Variants in NEK1 observed in about 807,000 individuals in gnomAD.
NEK1 encodes NIMA related kinase 1.
In NEK1, 137 loss-of-function variants were observed where a neutral mutation model predicts 182.1. The ratio of observed to expected loss-of-function variants is 0.75; its 90% CI spans 0.65 to 0.87. NEK1 has a LOEUF of 0.87. NEK1 is among the 40% of genes least tolerant of loss of function. The pLI is 0.00. For synonymous variants in NEK1, 513 were observed against 492.2 expected, an observed-to-expected ratio of 1.04 and a Z score of -0.56; for missense variants, 1,391 against 1,494.4, an observed-to-expected ratio of 0.93 and a Z score of 1.14.
At position 169,479,490 on chromosome 4, in the gene NEK1, CAAAGGTGGAG is replaced by C; in HGVS notation, c.2042_2051del (p.Ser681TrpfsTer15). The stretch of plus-strand genomic sequence containing the variant: ...GAGAGCCACCTGTTTCATGCTGTCC[CAAAGGTGGAG>C]AAACATCAGAACTCTTAACTCCTTT... On this transcript the variant is annotated frameshift_variant, in exon 24 of 36. Transcript: ENST00000507142. LOFTEE classifies it high-confidence loss of function. 1 of 1,611,146 alleles carries C rather than the reference CAAAGGTGGAG, an allele frequency of 6.2e-7. No individual in the cohort carries two copies. The highest frequency in any genetic ancestry group is 2.2e-5 in the East Asian group (1 of 44,826).
chr4:169,396,572 A>C (rs1730763053), intron 35 of NEK1, among the ~76,000 whole-genome samples: 1 of 151,946 alleles, frequency 6.6e-6, no homozygotes, highest in Admixed American at 6.6e-5. Context: ...CTGACTCTGG[A>C]TAGTATCTAG....
chr4:169,525,183 C>T (rs1385007150), intron 19 of NEK1, among the ~76,000 whole-genome samples: 1 of 152,114 alleles, frequency 6.6e-6, no homozygotes, highest in East Asian at 1.9e-4. Flanking sequence ...GGCTGGAGTG[C>T]AGTGGTGCGA....
chr4:169,495,010 G>A (rs1444655347), intron 23 of NEK1, among the ~76,000 whole-genome samples: 1 of 152,048 alleles, frequency 6.6e-6, no homozygotes, highest in African/African-American at 2.4e-5. Context: ...AGATGAGTAG[G>A]TTGCAAAAAT....
intron 12 of NEK1, among the ~76,000 whole-genome samples, chr4:169,568,665 C>T (rs562384191): frequency 2.2e-4 from 34 of 152,176 alleles, no homozygotes; most frequent in East Asian, 5.8e-4. Flanking sequence ...GCCCGCTGGA[C>T]GTGGTGGCTC....
chr4:169,522,640 T>C (rs1026100842), intron 19 of NEK1, among the ~76,000 whole-genome samples: 10 of 152,220 alleles, frequency 6.6e-5, no homozygotes, highest in Non-Finnish European at 1.5e-4. Flanking sequence ...TGCTGCTGTC[T>C]TGTGAGAATG....
At chr4:169,536,870 T>C (rs1375413600) in intron 19 of NEK1, among the ~76,000 whole-genome samples, 1 of 152,120 alleles carries the variant, frequency 6.6e-6, no homozygotes, top group African/African-American at 2.4e-5. Context: ...AAGATACAAA[T>C]ATAGATTAAT....
chr4:169,415,063 T>C (rs1455485807), intron 31 of NEK1, among the ~76,000 whole-genome samples: 2 of 152,240 alleles, frequency 1.3e-5, no homozygotes, highest in African/African-American at 4.8e-5. Flanking sequence ...GGCATGCCTT[T>C]GCAGTGCCAT....
intron 23 of NEK1, among the ~76,000 whole-genome samples, chr4:169,490,692 G>A (rs1056515323): frequency 2.0e-5 from 3 of 151,916 alleles, no homozygotes; most frequent in African/African-American, 7.3e-5. Flanking sequence ...GTTAAAAACT[G>A]AGAGCTTCAA....
At chr4:169,499,628 C>A (rs189031657) in intron 23 of NEK1, among the ~76,000 whole-genome samples, 1 of 152,218 alleles carries the variant, frequency 6.6e-6, no homozygotes, top group South Asian at 2.1e-4. Flanking sequence ...ACAGTCAGGA[C>A]CCTCAGCTGC....
At chr4:169,455,030 A>G (rs1019780296) in intron 27 of NEK1, among the ~76,000 whole-genome samples, 1 of 152,190 alleles carries the variant, frequency 6.6e-6, no homozygotes, top group Admixed American at 6.5e-5. Context: ...CTTTGCAGGG[A>G]CATGGATGAA....
At chr4:169,505,482 C>T (rs751712348) in intron 23 of NEK1, among the ~76,000 whole-genome samples, 18 of 152,176 alleles carry the variant, frequency 1.2e-4, no homozygotes, top group Non-Finnish European at 2.5e-4. Context: ...ATATAATACA[C>T]ATAACATAAA....
At chr4:169,400,822 A>G (rs1731544839) in intron 33 of NEK1, among the ~76,000 whole-genome samples, 171 bp from the exon 34 acceptor site, 1 of 152,184 alleles carries the variant, frequency 6.6e-6, no homozygotes. Flanking sequence ...GGCAAAAAAA[A>G]TGTATAAATC....
intron 23 of NEK1, among the ~76,000 whole-genome samples, chr4:169,488,978 A>C (rs1749555361): frequency 6.6e-6 from 1 of 152,362 alleles, no homozygotes; most frequent in South Asian, 2.1e-4. Flanking sequence ...GAGGAAATAA[A>C]GGCCACAAAC....
At chr4:169,444,817 T>C (rs1057016698) in intron 27 of NEK1, among the ~76,000 whole-genome samples, 4 of 152,138 alleles carry the variant, frequency 2.6e-5, no homozygotes, top group African/African-American at 7.2e-5. Context: ...CATCAGCACA[T>C]GCAACATTCT....
Position 169,401,734 on chromosome 4 carries a change from C to G in NEK1, c.3501G>C (p.Glu1167Asp), listed in dbSNP as rs754030272. Reference sequence around the variant, plus strand: ...CCACATCTGTCCCATTTGCAGTTGGCTCCACATCACTGTTCTTCAAGACTG... The same window carrying G: ...CCACATCTGTCCCATTTGCAGTTGGGTCCACATCACTGTTCTTCAAGACTG... ...EESVLKNSDV[E>D]PTANGTDVAD... Residue 1167 changes from glutamate (E) to aspartate (D), a missense_variant, in exon 33 of 36, where the codon GAG becomes GAC. Glu to Asp is a conservative substitution (Grantham distance 45). This residue lies in a region of NEK1 where 1,216 missense variants were observed against 1,277.6 expected (regional missense o/e 0.95). Transcript: ENST00000507142. 12 of 1,613,826 alleles carry G rather than the reference C, an allele frequency of 7.4e-6. No homozygotes were observed. The highest frequency in any genetic ancestry group is 1.0e-5 in the Non-Finnish European group (12 of 1,179,852).
intron 2 of NEK1, among the ~76,000 whole-genome samples, chr4:169,603,706 AT>A (rs398064265): frequency 0.039 from 5,006 of 129,654 alleles, 121 homozygotes; most frequent in East Asian, 0.12. Flanking sequence ...TTTATTGAAC[AT>A]TTTTTTTTTT....
In NEK1 at chr4:169,401,816, G is replaced by A. The variant is rs1000295696; in HGVS notation, c.3419C>T (p.Ser1140Leu). The change falls in exon 33 of 36, where the codon TCG becomes TTG. Residue 1140 changes from serine to leucine, a missense_variant. This residue lies in a region of NEK1 where 1,216 missense variants were observed against 1,277.6 expected (regional missense o/e 0.95). Transcript: ENST00000507142. ...TTGTTCCCTAAGTAACTGTTCCATC[G>A]AGGCCTGCAGCTCTTGTAAATCTGT... ...TDTDLQELQA[S>L]MEQLLREQPG... The A allele has an allele frequency of 1.2e-6, 2 of 1,613,168 alleles. No homozygotes were observed. The highest frequency in any genetic ancestry group is 1.7e-4 in the Middle Eastern group (1 of 6,060).
At chr4:169,580,976 T>A (rs1580935579) in intron 10 of NEK1, 74 bp from the exon 11 acceptor site, 1 of 648,188 alleles carries the variant, frequency 1.5e-6, no homozygotes, top group Admixed American at 3.5e-5. Flanking sequence ...TTAATTATAA[T>A]ACATCTTCCC....
intron 12 of NEK1, among the ~76,000 whole-genome samples, chr4:169,564,904 C>G (rs748695978): frequency 1.3e-5 from 2 of 152,096 alleles, no homozygotes; most frequent in Non-Finnish European, 2.9e-5. Flanking sequence ...TAACTCAAGG[C>G]TATAGCAACA....
Sources: gnomAD v4.1 joint callset for allele counts (sites outside exome capture counted in the v4.1 genomes callset) on GRCh38, gnomAD v4.1.1 for gene constraint, gnomAD v4.1.1 regional missense constraint, MANE v1.5 for transcripts, NCBI Gene and HGNC (gene_info 2026-07-23, HGNC 2026-07-21) for gene names.